TTBK2: variants seen among roughly 807,000 people sequenced by gnomAD.
The protein encoded by TTBK2 is tau tubulin kinase 2, also known as tau-tubulin kinase 2.
A neutral mutation model predicts 110.8 loss-of-function variants in TTBK2; 28 were observed. The ratio of observed to expected loss-of-function variants is 0.25; its 90% CI spans 0.19 to 0.35. TTBK2 has a LOEUF of 0.35. Ranked by LOEUF, TTBK2 falls within the 10% of genes least tolerant of loss-of-function variation. The probability of loss-of-function intolerance (pLI) is 1.00; values close to 1 mark genes in which losing one functional copy is unlikely to be tolerated. For synonymous variants in TTBK2, 532 were observed against 527.3 expected (o/e 1.01, Z -0.12); for missense variants, 1,369 against 1,500.3 (o/e 0.91, Z 1.45).
chr15:42,912,990 T>C (rs2030864500), intron 1 of TTBK2, among the ~76,000 whole-genome samples: 1 of 149,912 alleles, frequency 6.7e-6, no homozygotes, highest in Admixed American at 6.6e-5. Context: ...CCGGGCGCGG[T>C]GGCGGGCGCC....
chr15:42,778,534 G>A (rs1396700319), intron 11 of TTBK2, among the ~76,000 whole-genome samples: 1 of 152,172 alleles, frequency 6.6e-6, no homozygotes, highest in Non-Finnish European at 1.5e-5. Flanking sequence ...TGGGCATGGT[G>A]GCACACGCCT....
chr15:42,911,861 CA>C (rs1375528194), intron 1 of TTBK2, among the ~76,000 whole-genome samples: 2 of 152,156 alleles, frequency 1.3e-5, no homozygotes, highest in Admixed American at 6.5e-5. Context: ...TAATCTACAT[CA>C]GGGGTGTCCA....
intron 1 of TTBK2, among the ~76,000 whole-genome samples, chr15:42,915,659 G>GCAGA (rs1235924118): frequency 1.3e-5 from 2 of 152,156 alleles, no homozygotes; most frequent in African/African-American, 4.8e-5. Context: ...GAAATAAAAT[G>GCAGA]CAGAGGGCTA....
At chr15:42,805,190 T>C (rs993332233) in intron 9 of TTBK2, among the ~76,000 whole-genome samples, 1 of 152,162 alleles carries the variant, frequency 6.6e-6, no homozygotes. Context: ...ATAGAAGCAA[T>C]AATCAAGCAG....
rs114447551 is a variant in TTBK2 at position 42,743,293 on chromosome 15, G to T, written c.*2502C>A. On this transcript the variant is annotated 3_prime_UTR_variant, in exon 15 of 15. Coordinates refer to ENST00000267890, the MANE Select transcript of TTBK2 (RefSeq NM_173500.4). ...AGAAAAGTTGAGATAAAAATGGAAG[G>T]AACCAAGAAAGAGAGAAAACATTCA... is the stretch of plus-strand genomic sequence containing the variant. 1 of 152,262 alleles carries T rather than the reference G, an allele frequency of 6.6e-6. No homozygotes were observed. The highest frequency in any genetic ancestry group is 2.1e-4 in the South Asian group (1 of 4,820). The allele number at this position is 152,262 out of a possible 1,614,324, so 9.4% of individuals were successfully genotyped here. A position where few individuals can be genotyped will look rare whatever the true frequency, so the allele number is the denominator to read the frequency against.
At chr15:42,873,943 T>C (rs1444631836) in intron 2 of TTBK2, among the ~76,000 whole-genome samples, 2 of 152,240 alleles carry the variant, frequency 1.3e-5, no homozygotes, top group African/African-American at 4.8e-5. Context: ...CCACTTGATC[T>C]TCACTGATTA....
At chr15:42,906,721 CA>C (rs1336451242) in intron 1 of TTBK2, among the ~76,000 whole-genome samples, 1 of 152,102 alleles carries the variant, frequency 6.6e-6, no homozygotes, top group Non-Finnish European at 1.5e-5. Flanking sequence ...GCAAAGGAAA[CA>C]ATCAACGAAG....
At chr15:42,917,233 A>G (rs1167030420) in intron 1 of TTBK2, among the ~76,000 whole-genome samples, 1 of 152,152 alleles carries the variant, frequency 6.6e-6, no homozygotes, top group African/African-American at 2.4e-5. Context: ...CAAAGGTTAA[A>G]AAAAAAATCA....
intron 7 of TTBK2, among the ~76,000 whole-genome samples, chr15:42,816,069 T>A (rs1261794855): frequency 1.1e-5 from 1 of 89,972 alleles, no homozygotes; most frequent in East Asian, 3.4e-4. Flanking sequence ...TATATATATA[T>A]AAAAATAAAT....
intron 13 of TTBK2, among the ~76,000 whole-genome samples, chr15:42,773,771 A>C (rs1242474811): frequency 2.0e-5 from 3 of 152,066 alleles, no homozygotes; most frequent in Admixed American, 6.5e-5. Context: ...AGAGTGGATG[A>C]ATGGAAAGAG....
intron 1 of TTBK2, among the ~76,000 whole-genome samples, chr15:42,907,627 TAG>T (rs781508252): frequency 1.5e-4 from 22 of 151,702 alleles, no homozygotes; most frequent in Non-Finnish European, 2.9e-4. Context: ...CTCATGAAGA[TAG>T]AGAGTAGATT....
chr15:42,810,136 C>G (rs1298913446), intron 9 of TTBK2, among the ~76,000 whole-genome samples: 1 of 152,116 alleles, frequency 6.6e-6, no homozygotes, highest in Non-Finnish European at 1.5e-5. Flanking sequence ...TTCTAAGGCT[C>G]ATTAACTGAT....
At chr15:42,799,729 C>T (rs893793454) in intron 9 of TTBK2, among the ~76,000 whole-genome samples, 55 of 152,122 alleles carry the variant, frequency 3.6e-4, no homozygotes, top group African/African-American at 1.2e-3. Flanking sequence ...AGCCACCGCA[C>T]CCGGCCCTGC....
At chr15:42,820,085 G>C (rs1892226671) in intron 6 of TTBK2, among the ~76,000 whole-genome samples, 1 of 152,144 alleles carries the variant, frequency 6.6e-6, no homozygotes, top group Admixed American at 6.5e-5. Flanking sequence ...GACTGAAATA[G>C]AGAAAACAGA....
intron 13 of TTBK2, among the ~76,000 whole-genome samples, chr15:42,758,253 T>C (rs1008231778): frequency 6.6e-6 from 1 of 152,242 alleles, no homozygotes; most frequent in Non-Finnish European, 1.5e-5. Flanking sequence ...GAATAATGTA[T>C]TGGTACCTAA....
At chr15:42,886,220 T>A (rs1340660074) in intron 1 of TTBK2, among the ~76,000 whole-genome samples, 1 of 151,886 alleles carries the variant, frequency 6.6e-6, no homozygotes, top group Non-Finnish European at 1.5e-5. Flanking sequence ...CCAAGCCAGG[T>A]CCCAATTCTT....
intron 4 of TTBK2, among the ~76,000 whole-genome samples, chr15:42,835,993 G>T (rs1892969987): frequency 6.6e-6 from 1 of 152,180 alleles, no homozygotes; most frequent in Non-Finnish European, 1.5e-5. Flanking sequence ...TAGACCTACA[G>T]TTGTACTGGT....
Position 42,755,133 on chromosome 15 carries a change from A to T in TTBK2, c.1999-1886T>A, listed in dbSNP as rs549623090. Among the ~76,000 whole-genome samples, 11 of 152,144 alleles carry T rather than the reference A, an allele frequency of 7.2e-5. No homozygotes were observed. In the East Asian group the frequency reaches 2.1e-3, roughly 29 times the overall value. ...TATCTAATAAGAATGTCCTTCCTTA[A>T]GATACCTAAAGTTTTTATTATTTTC... On this transcript the variant is annotated intron_variant, in intron 13 of 14. Coordinates refer to ENST00000267890, the MANE Select transcript of TTBK2 (RefSeq NM_173500.4).
chr15:42,798,990 C>T (rs1211363298), intron 9 of TTBK2, among the ~76,000 whole-genome samples: 1 of 152,120 alleles, frequency 6.6e-6, no homozygotes, highest in African/African-American at 2.4e-5. Context: ...TGAAGTGATG[C>T]TCAAATGAAA....
Sources: gnomAD v4.1 joint callset for allele counts (sites outside exome capture counted in the v4.1 genomes callset) on GRCh38, gnomAD v4.1.1 for gene constraint, MANE v1.5 for transcripts, NCBI Gene and HGNC (gene_info 2026-07-23, HGNC 2026-07-21) for gene names.